ERBB4: variants seen among roughly 807,000 people sequenced by gnomAD.
ERBB4 encodes the protein erb-b2 receptor tyrosine kinase 4.
In ERBB4, 42 loss-of-function variants were observed where a neutral mutation model predicts 158.0. The ratio of observed to expected loss-of-function variants is 0.27; its 90% confidence interval spans 0.21 to 0.34. ERBB4 has a LOEUF of 0.34. ERBB4 is among the 10% of genes least tolerant of loss of function. ERBB4 has a pLI of 1.00. For synonymous variants in ERBB4, 583 were observed against 558.7 expected (o/e 1.04, Z -0.61); for missense variants, 1,333 against 1,624.1 (o/e 0.82, Z 3.08).
chr2:212,117,087 A>G (rs1266212415), intron 2 of ERBB4, among the ~76,000 whole-genome samples: 1 of 152,242 alleles, frequency 6.6e-6, no homozygotes, highest in Non-Finnish European at 1.5e-5. Context: ...CCTTAGAAAC[A>G]GCTTTCAGAT....
chr2:211,514,468 G>C (rs1404031356), intron 20 of ERBB4, among the ~76,000 whole-genome samples: 1 of 151,928 alleles, frequency 6.6e-6, no homozygotes, highest in Admixed American at 6.6e-5. Context: ...AAAATGTTTT[G>C]AGTATATTCA....
chr2:211,861,085 AAAATATATAAATACAT>A (rs2078017960), intron 3 of ERBB4, among the ~76,000 whole-genome samples: 1 of 41,536 alleles, frequency 2.4e-5, no homozygotes, highest in Non-Finnish European at 4.3e-5. Flanking sequence ...TATATATTAT[AAAATATATAAATACAT>A]TATATATATT....
intron 1 of ERBB4, among the ~76,000 whole-genome samples, chr2:212,456,740 TA>T (rs1688307641): frequency 6.6e-6 from 1 of 151,984 alleles, no homozygotes; most frequent in Non-Finnish European, 1.5e-5. Context: ...AAATGTTTTT[TA>T]TCAATTTATA....
At chr2:212,006,030 C>G (rs1228122429) in intron 2 of ERBB4, among the ~76,000 whole-genome samples, 5 of 151,962 alleles carry the variant, frequency 3.3e-5, no homozygotes, top group Non-Finnish European at 1.5e-5. Context: ...AAAGAAAGAA[C>G]AAAATTGCCA....
intron 1 of ERBB4, among the ~76,000 whole-genome samples, chr2:212,190,504 T>A (rs1173709177): frequency 6.9e-6 from 1 of 145,956 alleles, no homozygotes; most frequent in Non-Finnish European, 1.5e-5. Flanking sequence ...GCCATTGCAC[T>A]CCAGCCTGGG....
At chr2:211,782,125 A>T (rs1197208934) in intron 4 of ERBB4, among the ~76,000 whole-genome samples, 1 of 151,774 alleles carries the variant, frequency 6.6e-6, no homozygotes, top group Non-Finnish European at 1.5e-5. Context: ...CTCCACTCTG[A>T]CTCCATACTT....
rs1185985735 is a variant in ERBB4, at chr2:211,383,929, C to T, written c.3613G>A (p.Glu1205Lys). The change falls in exon 28 of 28, where the codon GAG becomes AAG. Residue 1205 changes from glutamate (E) to lysine (K), a missense_variant. Physicochemically the swap from Glu to Lys is moderately conservative, Grantham distance 56. Around this residue, in one of 5 missense-constraint regions of ERBB4, gnomAD observed 252 missense variants for 241.3 expected, o/e 1.04. Transcript: ENST00000342788. ...PPKAEDEYVN[E>K]PLYLNTFANT... ...GCAAAGGTGTTGAGGTACAGTGGCT[C>T]ATTCACATACTCATCCTCGGCCTTG... The T allele has an allele frequency of 6.2e-7, 1 of 1,614,104 alleles. No individual in the cohort carries two copies. Among genetic ancestry groups the T allele is most frequent in the Admixed American group, 1.7e-5 (1 of 60,004 alleles).
intron 1 of ERBB4, among the ~76,000 whole-genome samples, chr2:212,453,951 T>G (rs1234931696): frequency 6.6e-6 from 1 of 152,110 alleles, no homozygotes; most frequent in Non-Finnish European, 1.5e-5. Context: ...TAACTTTTTT[T>G]TTTTTTTTAG....
At chr2:212,520,639 T>A (rs767243452) in intron 1 of ERBB4, among the ~76,000 whole-genome samples, 2 of 151,980 alleles carry the variant, frequency 1.3e-5, no homozygotes, top group Non-Finnish European at 2.9e-5. Context: ...TTAAATTTGT[T>A]CTTATCTTTT....
chr2:212,502,569 T>G (rs1214548149), intron 1 of ERBB4, among the ~76,000 whole-genome samples: 1 of 152,156 alleles, frequency 6.6e-6, no homozygotes, highest in East Asian at 1.9e-4. Context: ...AACCTCCCCT[T>G]GTTAAATTTC....
chr2:211,827,553 A>G (rs59968041), intron 3 of ERBB4, among the ~76,000 whole-genome samples: 35,245 of 151,102 alleles, frequency 0.23, 4,238 homozygotes, highest in South Asian at 0.33. Flanking sequence ...TGATCTGGTA[A>G]GACAAAGTGG....
At chr2:211,512,269 C>T (rs1360936969) in intron 20 of ERBB4, among the ~76,000 whole-genome samples, 1 of 152,000 alleles carries the variant, frequency 6.6e-6, no homozygotes, top group South Asian at 2.1e-4. Context: ...ACTTGTAAGA[C>T]ATAGACATGC....
chr2:211,738,909 G>A lies in ERBB4; in HGVS notation c.622+11730C>T, dbSNP rs2074699397. Among the ~76,000 whole-genome samples the A allele has an allele frequency of 5.9e-5, 9 of 152,052 alleles. No individual in the cohort carries two copies. In the South Asian group the frequency reaches 1.9e-3, roughly 32 times the overall value. On this transcript the variant is annotated intron_variant, in intron 5 of 27. Transcript: ENST00000342788. The stretch of plus-strand genomic sequence containing the variant: ...CTGCCTTGGCCTCCTAAAATGCTGG[G>A]ATTACAGGCATGAACCATTGTGGCT...
intron 1 of ERBB4, among the ~76,000 whole-genome samples, chr2:212,333,950 C>G (rs746360600): frequency 2.6e-5 from 4 of 151,990 alleles, no homozygotes; most frequent in Non-Finnish European, 5.9e-5. Flanking sequence ...TGCTATGTAC[C>G]TTAACATTAC....
chr2:211,993,998 G>C (rs550809208), intron 2 of ERBB4, among the ~76,000 whole-genome samples: 1 of 151,662 alleles, frequency 6.6e-6, no homozygotes, highest in South Asian at 2.1e-4. Context: ...TTATGTATTA[G>C]TAAGTAATAA....
intron 1 of ERBB4, among the ~76,000 whole-genome samples, chr2:212,234,127 C>A (rs2083765690): frequency 6.6e-6 from 1 of 152,080 alleles, no homozygotes; most frequent in South Asian, 2.1e-4. Context: ...TGCCATCCCT[C>A]CCCTAGCCCC....
intron 20 of ERBB4, among the ~76,000 whole-genome samples, chr2:211,536,378 T>C (rs1369095781): frequency 1.3e-5 from 1 of 78,508 alleles, no homozygotes; most frequent in Non-Finnish European, 2.8e-5. Flanking sequence ...CAACAAACCC[T>C]AAACTTGAAA....
chr2:212,063,780 T>C (rs2077854393), intron 2 of ERBB4, among the ~76,000 whole-genome samples: 1 of 152,202 alleles, frequency 6.6e-6, no homozygotes, highest in Non-Finnish European at 1.5e-5. Flanking sequence ...GTTTCTCTCA[T>C]ACAATCATAG....
chr2:212,252,263 T>G (rs2084566465), intron 1 of ERBB4, among the ~76,000 whole-genome samples: 1 of 152,036 alleles, frequency 6.6e-6, no homozygotes. Flanking sequence ...AATTAATCCC[T>G]GTGGGGAACT....
Sources: gnomAD v4.1 joint callset for allele counts (sites outside exome capture counted in the v4.1 genomes callset) on GRCh38, gnomAD v4.1.1 for gene constraint, gnomAD v4.1.1 regional missense constraint, MANE v1.5 for transcripts, NCBI Gene and HGNC (gene_info 2026-07-23, HGNC 2026-07-21) for gene names.